Variants in ZC3H14 observed in about 807,000 individuals in gnomAD.
ZC3H14 encodes zinc finger CCCH domain-containing protein 14.
Under a neutral mutation model 92.4 loss-of-function variants are expected in ZC3H14, and 31 were observed. That is an observed-to-expected ratio of 0.34 (90% CI 0.25 to 0.45). The LOEUF (loss-of-function observed/expected upper bound fraction) is 0.45. Ranked by LOEUF, ZC3H14 falls within the 20% of genes least tolerant of loss-of-function variation. The pLI, the probability that ZC3H14 is intolerant of heterozygous loss-of-function variation, is 1.00. For missense variants in ZC3H14, 781 were observed against 897.3 expected (o/e 0.87, Z 1.66); for synonymous variants, 321 against 300.9 (o/e 1.07, Z -0.69).
rs755245411 is a variant in ZC3H14, at chr14:88,626,884, A to T, written c.*15133A>T. 3.6e-5 allele frequency: 58 copies of T among 1,613,906 alleles called. No individual in the cohort carries two copies. The highest frequency in any genetic ancestry group is 4.8e-5 in the Non-Finnish European group (57 of 1,179,886). On this transcript the variant is annotated 3_prime_UTR_variant, in exon 17 of 17. Transcript: ENST00000251038. ...CATGGTCTGCATCCGGGCATCTTCC[A>T]GTGTGCTCAGTAGCCCTTTTTTGCT...
At position 88,579,519 on chromosome 14, in the gene ZC3H14, C is replaced by T. The variant is rs552862017; in HGVS notation, c.1279+1379C>T. ...GTTGCACCAAGGTTTTCTTCAAACA[C>T]AGGACTCTACGTGAGAGTCTTGGAG... is the stretch of plus-strand genomic sequence containing the variant. On this transcript the variant is annotated intron_variant, in intron 9 of 16. Coordinates refer to ENST00000251038, the MANE Select transcript of ZC3H14 (RefSeq NM_024824.5). 3.9e-5 allele frequency among the ~76,000 whole-genome samples: 6 copies of T among 152,178 alleles called. No individual in the cohort carries two copies. In the East Asian group the frequency reaches 9.7e-4, roughly 25 times the overall value.
At chr14:88,604,428 T>A (rs2085060506) in intron 12 of ZC3H14, among the ~76,000 whole-genome samples, 1 of 152,056 alleles carries the variant, frequency 6.6e-6, no homozygotes, top group African/African-American at 2.4e-5. Context: ...CAGGAGTCTC[T>A]AGTCTCTGCA....
At position 88,611,817 on chromosome 14, in the gene ZC3H14, C is replaced by T; in HGVS notation, c.*66C>T. 1 of 1,600,100 alleles carries T rather than the reference C, an allele frequency of 6.2e-7. No homozygotes were observed. The highest frequency in any genetic ancestry group is 8.5e-7 in the Non-Finnish European group (1 of 1,170,148). On this transcript the variant is annotated 3_prime_UTR_variant, in exon 17 of 17. Transcript: ENST00000251038. Reference sequence around the variant, plus strand: ...TTTTCATGTACTGATGAAAGATACTCTACAGAACTTGTCAAATCTTTGAAA... The same window carrying T: ...TTTTCATGTACTGATGAAAGATACTTTACAGAACTTGTCAAATCTTTGAAA...
chr14:88,622,211 A>C lies in ZC3H14; in HGVS notation c.*10460A>C. ...TTGCCACCAAGAATGACAGAATTTC[A>C]TTATTTTTTATGGCTGAGTAGTATT... On this transcript the variant is annotated 3_prime_UTR_variant, in exon 17 of 17. Transcript: ENST00000251038. 1 of 173,272 alleles carries C rather than the reference A, an allele frequency of 5.8e-6. No homozygotes were observed. The highest frequency in any genetic ancestry group is 1.2e-5 in the Non-Finnish European group (1 of 80,216). 10.7% of individuals were successfully genotyped at this position (173,272 alleles called of 1,614,324 possible).
chr14:88,604,599 GTT>G (rs11446275), intron 12 of ZC3H14, among the ~76,000 whole-genome samples: 79 of 142,662 alleles, frequency 5.5e-4, no homozygotes, highest in African/African-American at 2.0e-3. Context: ...TGCTTTCTTT[GTT>G]TTTTTTTTTT....
Position 88,616,222 on chromosome 14 carries a change from C to G in ZC3H14, c.*4471C>G, listed in dbSNP as rs1396676864. 8 of 1,613,714 alleles carry G rather than the reference C, an allele frequency of 5.0e-6. No individual in the cohort carries two copies. The highest frequency in any genetic ancestry group is 6.8e-6 in the Non-Finnish European group (8 of 1,179,806). On this transcript the variant is annotated 3_prime_UTR_variant, in exon 17 of 17. Transcript: ENST00000251038. ...TATTTGTCACATGGGGCGAATGACC[C>G]AAGAACCTTTTGTGTTTTGCCTAAA...
chr14:88,578,192 T>G, intron 9 of ZC3H14, 52 bp downstream of exon 9: 1 of 1,595,178 alleles, frequency 6.3e-7, no homozygotes, highest in Non-Finnish European at 8.6e-7. Context: ...TCATGAGGCA[T>G]TGAATATTTT....
chr14:88,596,402 G>A (rs968677063), intron 9 of ZC3H14, among the ~76,000 whole-genome samples: 1 of 152,146 alleles, frequency 6.6e-6, no homozygotes, highest in African/African-American at 2.4e-5. Flanking sequence ...TGTGATGCGA[G>A]CTGCTGGGCC....
rs1283185521 is a variant in ZC3H14 at position 88,607,591 on chromosome 14, CCCCATCTCACCCTGTAACTACCAT to C, written c.1868+243_1868+266del. On this transcript the variant is annotated intron_variant, in intron 13 of 16. Transcript: ENST00000251038. ...CCATCTCACCCTGCAAGTACCATCTCCCCATCTCACCCTGTAACTACCATCCCATCTCACCCTGCAAGTGAGTAC... is the reference window on the plus strand; with the variant it reads ...CCATCTCACCCTGCAAGTACCATCTCCCCATCTCACCCTGCAAGTGAGTAC... Among the ~76,000 whole-genome samples, 1,184 of 137,050 alleles carry C rather than the reference CCCCATCTCACCCTGTAACTACCAT, an allele frequency of 8.6e-3. 27 individuals carry two copies. Among genetic ancestry groups the C allele is most frequent in the African/African-American group, 0.031 (1,106 of 35,946 alleles). The allele number at this position is 137,050 out of a possible 152,430, so 89.9% of individuals were successfully genotyped here. A position where few individuals can be genotyped will look rare whatever the true frequency, so the allele number is the denominator to read the frequency against.
rs1455389535 is a variant in ZC3H14 at position 88,613,042 on chromosome 14, T to C, written c.*1291T>C. On this transcript the variant is annotated 3_prime_UTR_variant, in exon 17 of 17. Coordinates refer to ENST00000251038, the MANE Select transcript of ZC3H14 (RefSeq NM_024824.5). ...ATACTCAAATGATGATAAACCTACA[T>C]GTGCAAAGGCTCACGTTTAAGATTG... 2.0e-5 allele frequency: 3 copies of C among 152,496 alleles called. No homozygotes were observed. The highest frequency in any genetic ancestry group is 6.5e-5 in the Admixed American group (1 of 15,270). The allele number at this position is 152,496 out of a possible 1,614,324, so 9.4% of individuals were successfully genotyped here.
Position 88,618,372 on chromosome 14 carries a change from TGA to T in ZC3H14, c.*6626_*6627del, listed in dbSNP as rs1342262887. 9 of 1,560,876 alleles carry T rather than the reference TGA, an allele frequency of 5.8e-6. No individual in the cohort carries two copies. Among genetic ancestry groups the T allele is most frequent in the South Asian group, 1.1e-5 (1 of 89,424 alleles). On this transcript the variant is annotated 3_prime_UTR_variant, in exon 17 of 17. Coordinates refer to ENST00000251038, the MANE Select transcript of ZC3H14 (RefSeq NM_024824.5). The stretch of plus-strand genomic sequence containing the variant: ...AAAATGGGACAAGAATTCCATTAGG[TGA>T]GAGACAAAATCCACAGGGGGTTTAC...
Position 88,620,838 on chromosome 14 carries a change from T to C in ZC3H14, c.*9087T>C. 3.1e-6 allele frequency: 5 copies of C among 1,600,556 alleles called. No homozygotes were observed. Among genetic ancestry groups the C allele is most frequent in the Non-Finnish European group, 4.3e-6 (5 of 1,172,922 alleles). On this transcript the variant is annotated 3_prime_UTR_variant, in exon 17 of 17. Coordinates refer to ENST00000251038, the MANE Select transcript of ZC3H14 (RefSeq NM_024824.5). This position sits in a 1 kb window ranked among gnomAD's most constrained non-coding sequence, Gnocchi z 4.3. The stretch of plus-strand genomic sequence containing the variant: ...CACTAGTAAAATGATAAATTCTCCA[T>C]TTTTCATTCCAATAGCCACCATGTC...
At position 88,613,183 on chromosome 14, in the gene ZC3H14, A is replaced by C. The variant is rs1334173625; in HGVS notation, c.*1432A>C. On this transcript the variant is annotated 3_prime_UTR_variant, in exon 17 of 17. Coordinates refer to ENST00000251038, the MANE Select transcript of ZC3H14 (RefSeq NM_024824.5). ...CTTTGCTGTGCTGATCCCACAGGAAAGGCTTGAAACACGAGAAGCAGCAAA... is the reference window on the plus strand; with the variant it reads ...CTTTGCTGTGCTGATCCCACAGGAACGGCTTGAAACACGAGAAGCAGCAAA... 3 of 152,272 alleles carry C rather than the reference A, an allele frequency of 2.0e-5. No individual in the cohort carries two copies. The East Asian group carries it at 5.8e-4, about 30-fold the overall frequency. The allele number at this position is 152,272 out of a possible 1,614,324, so 9.4% of individuals were successfully genotyped here.
At chr14:88,568,561 A>G (rs1373159803) in intron 3 of ZC3H14, among the ~76,000 whole-genome samples, 1 of 152,152 alleles carries the variant, frequency 6.6e-6, no homozygotes, top group Non-Finnish European at 1.5e-5. Context: ...TCATGAGAAC[A>G]TCATGGGGGA....
Position 88,618,282 on chromosome 14 carries a change from T to C in ZC3H14, c.*6531T>C, listed in dbSNP as rs766668998. 20 of 1,613,800 alleles carry C rather than the reference T, an allele frequency of 1.2e-5. No individual in the cohort carries two copies. The East Asian group carries it at 2.7e-4, about 22-fold the overall frequency. On this transcript the variant is annotated 3_prime_UTR_variant, in exon 17 of 17. Transcript: ENST00000251038. ...AATAGCGGCATGATCCATAAGATGTTTTCCTGAAGGCACTTCATAGACATG... is the reference window on the plus strand; with the variant it reads ...AATAGCGGCATGATCCATAAGATGTCTTCCTGAAGGCACTTCATAGACATG...
Position 88,602,042 on chromosome 14 carries a change from A to G in ZC3H14, c.1473A>G (p.Ala491=). The stretch of plus-strand genomic sequence containing the variant: ...ACCAAGAGTCGGGGATGAAGACTGC[A>G]GATTCCCTTCGGGTACTTTCAGGAC... The part of the protein sequence containing the change: ...APNQESGMKT[A]DSLRVLSGHL... The change falls in exon 11 of 17, where the codon GCA becomes GCG. Residue 491 remains alanine, a synonymous_variant. Coordinates refer to ENST00000251038, the MANE Select transcript of ZC3H14 (RefSeq NM_024824.5). 1 of 1,614,170 alleles carries G rather than the reference A, an allele frequency of 6.2e-7. No homozygotes were observed. The highest frequency in any genetic ancestry group is 8.5e-7 in the Non-Finnish European group (1 of 1,179,998).
rs749191567 is a variant in ZC3H14, at chr14:88,618,364, C to T, written c.*6613C>T. On this transcript the variant is annotated 3_prime_UTR_variant, in exon 17 of 17. Transcript: ENST00000251038. The stretch of plus-strand genomic sequence containing the variant: ...ATCAGATTAAAATGGGACAAGAATT[C>T]CATTAGGTGAGAGACAAAATCCACA... The T allele has an allele frequency of 1.3e-6, 2 of 1,586,304 alleles. No individual in the cohort carries two copies. The highest frequency in any genetic ancestry group is 2.7e-5 in the African/African-American group (2 of 74,394).
Position 88,563,692 on chromosome 14 carries a change from T to C in ZC3H14, c.78T>C (p.Val26=). 1.2e-6 allele frequency: 2 copies of C among 1,614,086 alleles called. No individual in the cohort carries two copies. Among genetic ancestry groups the C allele is most frequent in the Non-Finnish European group, 1.7e-6 (2 of 1,179,894 alleles). The change falls in exon 2 of 17, where the codon GTT becomes GTC. Residue 26 remains valine (V), a splice_region_variant and synonymous_variant. Coordinates refer to ENST00000251038, the MANE Select transcript of ZC3H14 (RefSeq NM_024824.5). The part of the protein sequence containing the change: ...KGKLQELGAY[V]DEELPDYIMV... ...AATTACAAGAATTAGGAGCTTATGT[T>C]GGTAAGTGTTTTTTTGGTTGTTAGT... is the stretch of plus-strand genomic sequence containing the variant.
chr14:88,621,219 C>G lies in ZC3H14; in HGVS notation c.*9468C>G. The G allele has an allele frequency of 6.2e-7, 1 of 1,613,936 alleles. No individual in the cohort carries two copies. The highest frequency in any genetic ancestry group is 8.5e-7 in the Non-Finnish European group (1 of 1,179,872). On this transcript the variant is annotated 3_prime_UTR_variant, in exon 17 of 17. Coordinates refer to ENST00000251038, the MANE Select transcript of ZC3H14 (RefSeq NM_024824.5). ...TCCCCAGATTGGCCCATCCACATGA[C>G]CGTTAACTAAAATATTACAAGCTGC... is the stretch of plus-strand genomic sequence containing the variant.
Sources: allele counts gnomAD v4.1 joint callset (sites outside exome capture counted in the v4.1 genomes callset), GRCh38; gene constraint gnomAD v4.1.1; non-coding constraint Gnocchi (gnomAD v3.1); transcripts MANE v1.5; gene names NCBI Gene and HGNC (gene_info 2026-07-23, HGNC 2026-07-21).